DPYS: variants seen among roughly 807,000 people sequenced by gnomAD.
DPYS encodes the protein dihydropyrimidine amidohydrolase.
Under a neutral mutation model 50.3 loss-of-function variants are expected in DPYS, and 39 were observed. The observed-to-expected ratio is 0.78, with a 90% CI of 0.60 to 1.01. The LOEUF is 1.01. Ranked by LOEUF, DPYS falls within the 50% of genes least tolerant of loss-of-function variation. The pLI, the probability that DPYS is intolerant of heterozygous loss-of-function variation, is 0.00. For synonymous variants in DPYS, 245 were observed against 250.7 expected, an observed-to-expected ratio of 0.98 and a Z score of 0.22; for missense variants, 659 against 680.9, an observed-to-expected ratio of 0.97 and a Z score of 0.36.
chr8:104,466,727 T>C lies in DPYS; in HGVS notation c.194A>G (p.Asp65Gly). 6.5e-7 allele frequency: 1 copy of C among 1,535,940 alleles called. No individual in the cohort carries two copies. Among genetic ancestry groups the C allele is most frequent in the Non-Finnish European group, 8.7e-7 (1 of 1,145,636 alleles). ...AGKLVLPGGI[D>G]THTHMQFPFM... ...GGGGAACTGCATGTGCGTGTGTGTG[T>C]CGATGCCTCCGGGCAGGACGAGCTT... The change falls in exon 1 of 10, where the codon GAC becomes GGC. Residue 65 changes from aspartate to glycine, a missense_variant. Asp to Gly is a moderately conservative substitution (Grantham distance 94, BLOSUM62 -1). Coordinates refer to ENST00000351513, the MANE Select transcript of DPYS (RefSeq NM_001385.3).
chr8:104,434,167 C>CA (rs138004822), intron 4 of DPYS, among the ~76,000 whole-genome samples: 146,582 of 152,308 alleles, frequency 0.96, 70,803 homozygotes, highest in Non-Finnish European at 1. Context: ...AGGTAGATGT[C>CA]AAATTTTCTG....
chr8:104,391,558 A>G (rs1811390165), intron 8 of DPYS, among the ~76,000 whole-genome samples: 1 of 152,156 alleles, frequency 6.6e-6, no homozygotes, highest in Non-Finnish European at 1.5e-5. Flanking sequence ...ATTTTAGTGT[A>G]TTTGGTGTAG....
At chr8:104,433,784 G>A (rs1179829871) in intron 4 of DPYS, among the ~76,000 whole-genome samples, 1 of 152,172 alleles carries the variant, frequency 6.6e-6, no homozygotes, top group East Asian at 1.9e-4. Context: ...TTGCCAAGCA[G>A]CACTCAGCGT....
chr8:104,435,618 C>T (rs1813111461), intron 4 of DPYS, among the ~76,000 whole-genome samples: 2 of 152,054 alleles, frequency 1.3e-5, no homozygotes, highest in South Asian at 4.2e-4. Context: ...AAGGTGACAC[C>T]ACTTTTGATG....
chr8:104,444,170 C>T (rs2140705210), intron 4 of DPYS, 78 bp downstream of exon 4: 1 of 1,525,212 alleles, frequency 6.6e-7, no homozygotes, highest in Non-Finnish European at 9.0e-7. Context: ...TTCTCCTAAA[C>T]TGAAGCAGAG....
In DPYS at chr8:104,457,986, G is replaced by C. The variant is rs1239997428; in HGVS notation, c.265-6582C>G. Among the ~76,000 whole-genome samples, 3 of 152,062 alleles carry C rather than the reference G, an allele frequency of 2.0e-5. No individual in the cohort carries two copies. The East Asian group carries it at 5.8e-4, about 29-fold the overall frequency. On this transcript the variant is annotated intron_variant, in intron 1 of 9. Coordinates refer to ENST00000351513, the MANE Select transcript of DPYS (RefSeq NM_001385.3). ...CTACTCCTGCGTCTTCACCTCTACTGCCCGGTGCCACCTTCGTCTTCCCAC... is the reference window on the plus strand; with the variant it reads ...CTACTCCTGCGTCTTCACCTCTACTCCCCGGTGCCACCTTCGTCTTCCCAC...
chr8:104,454,001 G>C (rs1295570828), intron 1 of DPYS, among the ~76,000 whole-genome samples: 1 of 152,216 alleles, frequency 6.6e-6, no homozygotes, highest in Admixed American at 6.5e-5. Flanking sequence ...CAAATCCATA[G>C]AGCAAGTGGA....
chr8:104,426,062 A>T (rs952087635), intron 6 of DPYS, among the ~76,000 whole-genome samples: 1 of 152,194 alleles, frequency 6.6e-6, no homozygotes, highest in African/African-American at 2.4e-5. Flanking sequence ...GGAAGCTTGA[A>T]CTTTTATCAA....
chr8:104,429,512 A>C, intron 5 of DPYS, 33 bp downstream of exon 5: 2 of 1,613,798 alleles, frequency 1.2e-6, no homozygotes, highest in Non-Finnish European at 1.7e-6. Context: ...TTCTTTTGGC[A>C]ATACACTTCC....
rs892766215 is a variant in DPYS at position 104,402,987 on chromosome 8, G to A, written c.1236-9996C>T. On this transcript the variant is annotated intron_variant, in intron 7 of 9. Coordinates refer to ENST00000351513, the MANE Select transcript of DPYS (RefSeq NM_001385.3). ...GAGCACAGCGTGAGGGACAATGATC[G>A]GGATATAAACCCAAGCATTCAAGCC... Among the ~76,000 whole-genome samples, 9 of 152,242 alleles carry A rather than the reference G, an allele frequency of 5.9e-5. No individual in the cohort carries two copies. The South Asian group carries it at 1.0e-3, about 18-fold the overall frequency.
At chr8:104,391,389 T>C (rs531564914) in intron 8 of DPYS, among the ~76,000 whole-genome samples, 1 of 152,276 alleles carries the variant, frequency 6.6e-6, no homozygotes, top group African/African-American at 2.4e-5. Context: ...AGGCAAGTAA[T>C]GTGTGAAGCC....
intron 8 of DPYS, among the ~76,000 whole-genome samples, chr8:104,392,020 A>C (rs772950825): frequency 3.3e-5 from 5 of 152,202 alleles, no homozygotes; most frequent in African/African-American, 7.2e-5. Context: ...GGATCGAGAA[A>C]CTTGCTCAAG....
intron 7 of DPYS, among the ~76,000 whole-genome samples, chr8:104,397,272 T>C (rs1588406766): frequency 1.3e-5 from 2 of 152,352 alleles, no homozygotes; most frequent in Middle Eastern, 3.4e-3. Context: ...TCTGAAGGTA[T>C]CACATTGATC....
chr8:104,411,217 A>T (rs1028993154), intron 7 of DPYS, among the ~76,000 whole-genome samples: 2 of 152,174 alleles, frequency 1.3e-5, no homozygotes, highest in Non-Finnish European at 2.9e-5. Flanking sequence ...GTAATTTCTC[A>T]CACATTTCTT....
At chr8:104,459,112 T>G (rs1280330166) in intron 1 of DPYS, among the ~76,000 whole-genome samples, 1 of 152,158 alleles carries the variant, frequency 6.6e-6, no homozygotes, top group Non-Finnish European at 1.5e-5. Context: ...TTTCTCAACT[T>G]GTTACTTGAC....
intron 4 of DPYS, among the ~76,000 whole-genome samples, chr8:104,436,767 G>A (rs1813164607): frequency 2.0e-5 from 3 of 152,186 alleles, no homozygotes; most frequent in Admixed American, 2.0e-4. Flanking sequence ...AGCTGAGGCA[G>A]AAGGATCACT....
intron 7 of DPYS, among the ~76,000 whole-genome samples, chr8:104,399,416 A>T (rs1811713624): frequency 6.6e-6 from 1 of 151,556 alleles, no homozygotes; most frequent in Non-Finnish European, 1.5e-5. Flanking sequence ...AGATATTTGG[A>T]GCAGGCATCA....
intron 4 of DPYS, 135 bp downstream of exon 4, chr8:104,444,113 G>A (rs1813447381): frequency 1.1e-6 from 1 of 934,196 alleles, no homozygotes; most frequent in Non-Finnish European, 1.7e-6. Flanking sequence ...GAAACCAGGA[G>A]GCTAATAAAA....
chr8:104,466,796 G>T lies in DPYS; in HGVS notation c.125C>A (p.Pro42His). 1 of 1,534,344 alleles carries T rather than the reference G, an allele frequency of 6.5e-7. No individual in the cohort carries two copies. The highest frequency in any genetic ancestry group is 1.2e-5 in the South Asian group (1 of 83,622). The change falls in exon 1 of 10, where the codon CCC (proline) becomes CAC (histidine). Residue 42 changes from proline (P) to histidine (H), a missense_variant. Coordinates refer to ENST00000351513, the MANE Select transcript of DPYS (RefSeq NM_001385.3). Reference sequence around the variant, plus strand: ...CCGCAGCCCCGCAGGAGCGCCCCCGGGAGGCAGCAGGTCGTGCCCGAGTGC... The same window carrying T: ...CCGCAGCCCCGCAGGAGCGCCCCCGTGAGGCAGCAGGTCGTGCCCGAGTGC... ...VRALGHDLLP[P>H]GGAPAGLRVL...
Sources: allele counts gnomAD v4.1 joint callset (sites outside exome capture counted in the v4.1 genomes callset), GRCh38; gene constraint gnomAD v4.1.1; transcripts MANE v1.5; gene names NCBI Gene and HGNC (gene_info 2026-07-23, HGNC 2026-07-21).